Variants in UBXN8 observed in about 807,000 individuals in gnomAD.
UBXN8 encodes UBX domain protein 8.
Under a neutral mutation model 32.1 loss-of-function variants are expected in UBXN8, and 27 were observed. The ratio of observed to expected loss-of-function variants is 0.84; its 90% confidence interval spans 0.62 to 1.16. UBXN8 has a LOEUF of 1.16. Ranked by LOEUF, UBXN8 falls within the 50% of genes most tolerant of loss-of-function variation. UBXN8 has a pLI of 0.00. For synonymous variants in UBXN8, 109 were observed against 111.8 expected (o/e 0.98, Z 0.16); for missense variants, 306 against 311.4 (o/e 0.98, Z 0.13).
rs545229821 is a variant in UBXN8 at position 30,763,467 on chromosome 8, A to G, written c.645+120A>G. ...TCTGCATCTCCCATCAGGTATGGAT[A>G]AAGGACATTTCCAGGTACTCCACGT... On this transcript the variant is annotated intron_variant, in intron 7 of 7. Transcript: ENST00000265616. The G allele has an allele frequency of 6.0e-5, 58 of 966,918 alleles. No homozygotes were observed. In the African/African-American group the frequency reaches 8.1e-4, roughly 13 times the overall value. 59.9% of individuals were successfully genotyped at this position (966,918 alleles called of 1,614,324 possible). A position where few individuals can be genotyped will look rare whatever the true frequency, so the allele number is the denominator to read the frequency against.
At chr8:30,744,365 GCTTCGGAGCAGCTTTGACTACAAC>G in intron 1 of UBXN8, 88 bp downstream of exon 1, 1 of 1,333,272 alleles carries the variant, frequency 7.5e-7, no homozygotes, top group South Asian at 1.2e-5. Flanking sequence ...CGGCTGCGTG[GCTTCGGAGCAGCTTTGACTACAAC>G]TCCCAGACTG....
At chr8:30,744,762 C>T (rs1186747429) in intron 1 of UBXN8, among the ~76,000 whole-genome samples, 3 of 151,936 alleles carry the variant, frequency 2.0e-5, no homozygotes, top group African/African-American at 2.4e-5. Context: ...GGGCCACGCC[C>T]GTGAAAAGCC....
chr8:30,752,514 G>A (rs1262573248), intron 2 of UBXN8, among the ~76,000 whole-genome samples: 1 of 151,942 alleles, frequency 6.6e-6, no homozygotes, highest in Non-Finnish European at 1.5e-5. Context: ...GTGGGATTTC[G>A]CCATGTTGCC....
intron 7 of UBXN8, among the ~76,000 whole-genome samples, chr8:30,764,321 C>T (rs1194248388): frequency 6.6e-6 from 1 of 152,178 alleles, no homozygotes; most frequent in Non-Finnish European, 1.5e-5. Flanking sequence ...CAGGCACACA[C>T]CACCGTTCCT....
chr8:30,756,415 G>T (rs1447553630), intron 4 of UBXN8: 1 of 217,022 alleles, frequency 4.6e-6, no homozygotes. Context: ...AAAATGCTGT[G>T]ATTACAAGCG....
At chr8:30,754,540 G>A (rs1805595215) in intron 3 of UBXN8, 125 bp from the exon 4 acceptor site, 2 of 1,300,508 alleles carry the variant, frequency 1.5e-6, no homozygotes, top group Non-Finnish European at 2.1e-6. Context: ...AGCCAAACAG[G>A]GTGGCAGTGG....
At chr8:30,732,608 G>T (rs1245004771), upstream of UBXN8, 3 of 234,244 alleles carry the variant, frequency 1.3e-5, no homozygotes, top group East Asian at 2.6e-4. Context: ...GCAACAGCAA[G>T]CCTTTCATGA....
chr8:30,744,340 G>A, intron 1 of UBXN8, 63 bp downstream of exon 1: 2 of 1,511,746 alleles, frequency 1.3e-6, no homozygotes, highest in Non-Finnish European at 1.8e-6. Flanking sequence ...ATGTTGCATA[G>A]AACGACCGCC....
chr8:30,741,332 G>A (rs1404096378), upstream of UBXN8, among the ~76,000 whole-genome samples: 1 of 152,108 alleles, frequency 6.6e-6, no homozygotes, highest in Non-Finnish European at 1.5e-5. Flanking sequence ...GCTACAGTGG[G>A]CTGTGATTGT....
At position 30,748,905 on chromosome 8, in the gene UBXN8, C is replaced by G. The variant is rs549476614; in HGVS notation, c.89-2491C>G. Reference sequence around the variant, plus strand: ...TAATTGACTAATTACCAGCCTTGATCACGTTGGATTCCTCTGTATCTCTGC... The same window carrying G: ...TAATTGACTAATTACCAGCCTTGATGACGTTGGATTCCTCTGTATCTCTGC... On this transcript the variant is annotated intron_variant, in intron 1 of 7. Transcript: ENST00000265616. Among the ~76,000 whole-genome samples, 207 of 152,280 alleles carry G rather than the reference C, an allele frequency of 1.4e-3. 1 individual carries two copies. Among genetic ancestry groups the G allele is most frequent in the African/African-American group, 4.9e-3 (202 of 41,572 alleles).
chr8:30,734,798 G>A (rs940434044), intron 1 of UBXN8, among the ~76,000 whole-genome samples: 2 of 152,042 alleles, frequency 1.3e-5, no homozygotes, highest in African/African-American at 4.8e-5. Context: ...TTAAAAATTA[G>A]TCAGGTGTGG....
chr8:30,764,214 T>C (rs751705706), intron 7 of UBXN8, among the ~76,000 whole-genome samples: 1 of 152,222 alleles, frequency 6.6e-6, no homozygotes, highest in Non-Finnish European at 1.5e-5. Flanking sequence ...TAACCTTCAA[T>C]GACAAGAATG....
At chr8:30,752,212 G>T (rs1402611904) in intron 2 of UBXN8, among the ~76,000 whole-genome samples, 3 of 152,152 alleles carry the variant, frequency 2.0e-5, no homozygotes, top group African/African-American at 7.2e-5. Context: ...ATCTTGAAAG[G>T]CTTTTCATCC....
chr8:30,758,885 GTTTTTTTTGTTT>G (rs1805738863), intron 5 of UBXN8, among the ~76,000 whole-genome samples: 2 of 97,000 alleles, frequency 2.1e-5, no homozygotes, highest in African/African-American at 4.1e-5. Flanking sequence ...TTTTTTGTTT[GTTTTTTTTGTTT>G]TTTTTTTTTT....
At chr8:30,741,047 C>T (rs891328575), upstream of UBXN8, among the ~76,000 whole-genome samples, 3 of 152,126 alleles carry the variant, frequency 2.0e-5, no homozygotes, top group Non-Finnish European at 4.4e-5. Context: ...AACTATTCTA[C>T]CATGAACTAT....
intron 1 of UBXN8, among the ~76,000 whole-genome samples, chr8:30,745,080 G>T (rs1224603859): frequency 6.6e-6 from 1 of 152,144 alleles, no homozygotes; most frequent in Admixed American, 6.6e-5. Context: ...TTTTAAAAAG[G>T]TCACTCGATT....
chr8:30,733,622 T>A (rs184939355), intron 1 of UBXN8, among the ~76,000 whole-genome samples: 6 of 152,276 alleles, frequency 3.9e-5, no homozygotes, highest in Non-Finnish European at 5.9e-5. Flanking sequence ...CACCTGATCT[T>A]GTACCTACTT....
chr8:30,762,542 G>A (rs765775716), intron 6 of UBXN8, among the ~76,000 whole-genome samples: 9 of 151,992 alleles, frequency 5.9e-5, no homozygotes, highest in Middle Eastern at 3.2e-3. Context: ...ACAGGTGTAC[G>A]CCACAATGCC....
At chr8:30,743,809 G>A (rs958564211), upstream of UBXN8, among the ~76,000 whole-genome samples, 4 of 152,208 alleles carry the variant, frequency 2.6e-5, no homozygotes, top group East Asian at 1.9e-4. Context: ...CAAGGCCGGG[G>A]GGCCCAGGCT....
Sources: gnomAD v4.1 joint callset for allele counts (sites outside exome capture counted in the v4.1 genomes callset) on GRCh38, gnomAD v4.1.1 for gene constraint, MANE v1.5 for transcripts, NCBI Gene and HGNC (gene_info 2026-07-23, HGNC 2026-07-21) for gene names.